The following UGDH variants were observed in gnomAD, a reference collection of about 807,000 sequenced individuals.
The protein encoded by UGDH is UDP-glucose 6-dehydrogenase, also known as UDP-Glc dehydrogenase.
UGDH carries 38 observed loss-of-function variants against 50.6 expected under a neutral mutation model. The ratio of observed to expected loss-of-function variants is 0.75; its 90% CI spans 0.58 to 0.98. UGDH has a LOEUF of 0.98. UGDH is among the 50% of genes least tolerant of loss of function. The pLI is 0.00. For missense variants in UGDH, 465 were observed against 606.2 expected (o/e 0.77, Z 2.45); for synonymous variants, 168 against 199.9 (o/e 0.84, Z 1.35).
At chr4:39,524,925 A>C (rs899777469) in intron 1 of UGDH, among the ~76,000 whole-genome samples, 1 of 152,244 alleles carries the variant, frequency 6.6e-6, no homozygotes, top group African/African-American at 2.4e-5. Flanking sequence ...GCTGGGATAG[A>C]CTACTGATGG....
chr4:39,521,614 G>T, intron 1 of UGDH, 95 bp from the exon 2 acceptor site: 1 of 1,031,162 alleles, frequency 9.7e-7, no homozygotes, highest in Non-Finnish European at 1.3e-6. Context: ...AAACTGTCAA[G>T]GTGACAGATA....
At chr4:39,505,117 G>A in intron 9 of UGDH, 120 bp downstream of exon 9, 4 of 936,250 alleles carry the variant, frequency 4.3e-6, no homozygotes, top group Non-Finnish European at 6.1e-6. Flanking sequence ...TCAGAGAAAT[G>A]AGGTTGAAAA....
At position 39,500,150 on chromosome 4, in the gene UGDH, T is replaced by G; in HGVS notation, c.1478A>C (p.Lys493Thr). Residue 493 changes from lysine (K) to threonine (T), a missense_variant, in exon 12 of 12, where the codon AAA (lysine) becomes ACA (threonine). Physicochemically the swap from Lys to Thr is moderately conservative, Grantham distance 78. Coordinates refer to ENST00000316423, the MANE Select transcript of UGDH (RefSeq NM_003359.4). ...AAATAAAAATGGCAATCTCTACACT[T>G]TAGGTTTCTTGTTAGGTGGATCTTG... ...SLQDPPNKKPKV is the reference protein window; with the variant it reads ...SLQDPPNKKPTV 6.3e-7 allele frequency: 1 copy of G among 1,575,302 alleles called. No individual in the cohort carries two copies. The highest frequency in any genetic ancestry group is 8.6e-7 in the Non-Finnish European group (1 of 1,157,300).
At chr4:39,503,022 T>C (rs1445254681) in intron 11 of UGDH, among the ~76,000 whole-genome samples, 5 of 152,206 alleles carry the variant, frequency 3.3e-5, no homozygotes, top group African/African-American at 9.6e-5. Context: ...GTTTAAGCGA[T>C]TCTCCTGCCT....
intron 6 of UGDH, 152 bp downstream of exon 6, chr4:39,509,608 G>C (rs560741608): frequency 1.1e-6 from 1 of 879,766 alleles, no homozygotes; most frequent in Admixed American, 3.5e-5. Flanking sequence ...AAATTTCCCT[G>C]AGTCTGAATC....
Position 39,514,094 on chromosome 4 carries a change from C to T in UGDH, c.253G>A (p.Val85Ile), listed in dbSNP as rs187460266. The T allele has an allele frequency of 5.9e-5, 94 of 1,587,846 alleles. No individual in the cohort carries two copies. In the African/African-American group the frequency reaches 1.1e-3, roughly 19 times the overall value. ...IDDAIKEADL[V>I]FISVNTPTKT... ...AGGAAAATACTTACAGAAATAAATACAAGATCAGCTTCTTTGATGGCATCA... is the reference window on the plus strand; with the variant it reads ...AGGAAAATACTTACAGAAATAAATATAAGATCAGCTTCTTTGATGGCATCA... Residue 85 changes from valine to isoleucine, a missense_variant, in exon 3 of 12, where the codon GTA becomes ATA. Transcript: ENST00000316423.
Position 39,527,426 on chromosome 4 carries a change from G to A in UGDH, c.-151C>T. 1 of 233,594 alleles carries A rather than the reference G, an allele frequency of 4.3e-6. No individual in the cohort carries two copies. Among genetic ancestry groups the A allele is most frequent in the South Asian group, 4.6e-5 (1 of 21,638 alleles). The allele number at this position is 233,594 out of a possible 1,614,324, so 14.5% of individuals were successfully genotyped here. On this transcript the variant is annotated 5_prime_UTR_variant, in exon 1 of 12. Coordinates refer to ENST00000316423, the MANE Select transcript of UGDH (RefSeq NM_003359.4). ...TCGGCGCACGCCCCTCCCTCAGGCT[G>A]CCACGCGTTACACTCTGAGTCCCGG... is the stretch of plus-strand genomic sequence containing the variant.
intron 1 of UGDH, among the ~76,000 whole-genome samples, chr4:39,523,532 C>T (rs905402210): frequency 5.3e-5 from 8 of 152,162 alleles, no homozygotes; most frequent in African/African-American, 1.9e-4. Flanking sequence ...TGGCCAGGCA[C>T]GGTGGCTCAT....
chr4:39,518,928 T>TGTCTCCAAA (rs1275107198), intron 2 of UGDH, among the ~76,000 whole-genome samples: 1 of 152,202 alleles, frequency 6.6e-6, no homozygotes, highest in East Asian at 1.9e-4. Flanking sequence ...ATTTATTTAC[T>TGTCTCCAAA]TATTTGGAGA....
intron 2 of UGDH, 112 bp from the exon 3 acceptor site, chr4:39,514,296 G>A: frequency 2.3e-6 from 2 of 875,168 alleles, no homozygotes; most frequent in Non-Finnish European, 3.6e-6. Context: ...TAATTTAAAG[G>A]TCTAGGTTGT....
At chr4:39,510,935 G>C in intron 3 of UGDH, 74 bp from the exon 4 acceptor site, 1 of 1,470,092 alleles carries the variant, frequency 6.8e-7, no homozygotes, top group Non-Finnish European at 9.5e-7. Context: ...TGAACTACTG[G>C]TTAAAGTGTG....
At position 39,503,903 on chromosome 4, in the gene UGDH, T is replaced by C. The variant is rs779324355; in HGVS notation, c.1346A>G (p.His449Arg). 1.9e-6 allele frequency: 3 copies of C among 1,614,220 alleles called. No individual in the cohort carries two copies. The highest frequency in any genetic ancestry group is 2.5e-6 in the Non-Finnish European group (3 of 1,180,016). Residue 449 changes from histidine to arginine, a missense_variant, in exon 11 of 12, where the codon CAC (histidine) becomes CGC (arginine). His to Arg is a conservative substitution (Grantham distance 29). Transcript: ENST00000316423. ...GAAGCCAATGGTTTGTAGTTCATTG[T>C]GGAGCCCATCCAGGACACGCCGTCC... is the stretch of plus-strand genomic sequence containing the variant. ...FDGRRVLDGL[H>R]NELQTIGFQI...
In UGDH at chr4:39,509,871, T is replaced by C. The variant is rs763881954; in HGVS notation, c.700A>G (p.Ile234Val). ...TCACACAGAGCACTTATGGAGTTAA[T>C]GCTGCTTATTCTCTGGGCAAGAAAA... ...NAFLAQRISSINSISALCEAT... is the reference protein window; with the variant it reads ...NAFLAQRISSVNSISALCEAT... Residue 234 changes from isoleucine to valine, a missense_variant, in exon 6 of 12, where the codon ATT (isoleucine) becomes GTT (valine). Ile to Val is a conservative substitution (Grantham distance 29). Coordinates refer to ENST00000316423, the MANE Select transcript of UGDH (RefSeq NM_003359.4). 6.2e-7 allele frequency: 1 copy of C among 1,608,536 alleles called. No homozygotes were observed. The highest frequency in any genetic ancestry group is 8.5e-7 in the Non-Finnish European group (1 of 1,178,948).
At chr4:39,511,813 G>A (rs1746257544) in intron 3 of UGDH, among the ~76,000 whole-genome samples, 1 of 150,654 alleles carries the variant, frequency 6.6e-6, no homozygotes, top group Non-Finnish European at 1.5e-5. Context: ...GGGTTCAAGC[G>A]ATTCTCCTGC....
At position 39,509,856 on chromosome 4, in the gene UGDH, CA is replaced by C. The variant is rs748088913; in HGVS notation, c.714del (p.Ser238ArgfsTer11). The C allele has an allele frequency of 6.2e-7, 1 of 1,612,414 alleles. No homozygotes were observed. Among genetic ancestry groups the C allele is most frequent in the Non-Finnish European group, 8.5e-7 (1 of 1,179,812 alleles). The stretch of plus-strand genomic sequence containing the variant: ...TCAGCTCCTGTTGCTTCACACAGAG[CA>C]CTTATGGAGTTAATGCTGCTTATTC... ...AQRISSINSI[S>X]ALCEATGADV... is the part of the protein sequence containing the mutation. On this transcript the variant is annotated frameshift_variant, in exon 6 of 12. Coordinates refer to ENST00000316423, the MANE Select transcript of UGDH (RefSeq NM_003359.4). LOFTEE classifies it high-confidence loss of function.
rs10010387 is a variant in UGDH, at chr4:39,505,320, T to C, written c.1088A>G (p.His363Arg). 10 of 1,594,052 alleles carry C rather than the reference T, an allele frequency of 6.3e-6. No homozygotes were observed. The East Asian group carries it at 6.8e-5, about 11-fold the overall frequency. ...ISKYLMDEGAHLHIYDPKVPR... is the reference protein window; with the variant it reads ...ISKYLMDEGARLHIYDPKVPR... ...TACTTTTGGATCATATATATGTAGA[T>C]GTGCACCTTCATCCATCAAATATTT... Residue 363 changes from histidine (H) to arginine (R), a missense_variant, in exon 9 of 12, where the codon CAT (histidine) becomes CGT (arginine). His to Arg is a conservative substitution (Grantham distance 29, BLOSUM62 0). Coordinates refer to ENST00000316423, the MANE Select transcript of UGDH (RefSeq NM_003359.4).
intron 9 of UGDH, 87 bp downstream of exon 9, chr4:39,505,150 T>C (rs1578264403): frequency 7.4e-7 from 1 of 1,349,514 alleles, no homozygotes; most frequent in Non-Finnish European, 1.0e-6. Flanking sequence ...ATGATATACA[T>C]GATAAAACTG....
At chr4:39,520,504 C>G (rs2109944470) in intron 2 of UGDH, among the ~76,000 whole-genome samples, 1 of 151,498 alleles carries the variant, frequency 6.6e-6, no homozygotes, top group African/African-American at 2.4e-5. Flanking sequence ...AAAAAGGAAA[C>G]CAGATAGCTC....
intron 2 of UGDH, among the ~76,000 whole-genome samples, chr4:39,516,703 A>C (rs1746453466): frequency 6.6e-6 from 1 of 152,174 alleles, no homozygotes; most frequent in African/African-American, 2.4e-5. Flanking sequence ...TGTACATATG[A>C]ATTTCCATTA....
Sources: gnomAD v4.1 joint callset for allele counts (sites outside exome capture counted in the v4.1 genomes callset) on GRCh38, gnomAD v4.1.1 for gene constraint, MANE v1.5 for transcripts, NCBI Gene and HGNC (gene_info 2026-07-23, HGNC 2026-07-21) for gene names.